The following BDNF variants were observed in gnomAD, a reference collection of about 807,000 sequenced individuals.
The protein encoded by BDNF is neurotrophic factor BDNF precursor form.
BDNF carries 1 observed loss-of-function variant against 19.5 expected under a neutral mutation model. The ratio of observed to expected loss-of-function variants is 0.05; its 90% CI spans 0.02 to 0.24. The LOEUF (loss-of-function observed/expected upper bound fraction) is 0.24. Among genes scored for constraint, BDNF ranks in the 10% least tolerant of loss-of-function variants. The pLI is 1.00. For synonymous variants in BDNF, 100 were observed against 121.6 expected (o/e 0.82, Z 1.17); for missense variants, 195 against 317.6 (o/e 0.61, Z 2.93).
intron 1 of BDNF, among the ~76,000 whole-genome samples, chr11:27,683,249 T>C (rs1217700870): frequency 1.3e-5 from 2 of 152,158 alleles, no homozygotes; most frequent in Non-Finnish European, 2.9e-5. Flanking sequence ...CACTTTTTGA[T>C]GGGGTTGTTT....
In BDNF at chr11:27,693,972, A is replaced by AT. The variant is rs554236116; in HGVS notation, c.-22+6191dup. Among the ~76,000 whole-genome samples, 287 of 150,374 alleles carry AT rather than the reference A, an allele frequency of 1.9e-3. 7 individuals are homozygous for AT. The South Asian group carries it at 0.049, about 26-fold the overall frequency. ...ACACACACGCACCTTTATTTTAGTA[A>AT]TTTTTTTTTTCTGAAAAAGAAAGTT... On this transcript the variant is annotated intron_variant, in intron 1 of 1. Transcript: ENST00000356660.
chr11:27,696,760 G>A (rs1859050482), intron 1 of BDNF, among the ~76,000 whole-genome samples: 1 of 152,206 alleles, frequency 6.6e-6, no homozygotes, highest in Admixed American at 6.5e-5. Flanking sequence ...GGATAGGCGA[G>A]ACCCCTCACA....
chr11:27,684,433 C>G (rs1431726342), intron 1 of BDNF, among the ~76,000 whole-genome samples: 2 of 152,164 alleles, frequency 1.3e-5, no homozygotes, highest in African/African-American at 4.8e-5. Flanking sequence ...ACGTCCAATA[C>G]TATGTTGAAT....
chr11:27,719,568 C>A, intron 1 of BDNF: 1 of 985,240 alleles, frequency 1.0e-6, no homozygotes, highest in Non-Finnish European at 1.2e-6. Context: ...TCGGCAGCTC[C>A]CCTTCCCTTG....
chr11:27,668,791 C>G (rs566057622), intron 1 of BDNF, among the ~76,000 whole-genome samples: 2 of 152,180 alleles, frequency 1.3e-5, no homozygotes, highest in African/African-American at 4.8e-5. Context: ...CCAAAAAAAT[C>G]CATCAGGACC....
intron 1 of BDNF, among the ~76,000 whole-genome samples, chr11:27,689,751 G>A (rs1230395342): frequency 6.6e-6 from 1 of 151,974 alleles, no homozygotes; most frequent in African/African-American, 2.4e-5. Flanking sequence ...TGCAGAATGT[G>A]CAGGTTTGTT....
At chr11:27,708,612 A>T (rs1366700470) in intron 1 of BDNF, among the ~76,000 whole-genome samples, 1 of 151,906 alleles carries the variant, frequency 6.6e-6, no homozygotes, top group Non-Finnish European at 1.5e-5. Flanking sequence ...ACTGATGTTT[A>T]TAAGAGCACA....
chr11:27,697,137 G>A (rs1244199540), intron 1 of BDNF, among the ~76,000 whole-genome samples: 1 of 120,878 alleles, frequency 8.3e-6, no homozygotes, highest in African/African-American at 3.2e-5. Context: ...ACACGCGCAC[G>A]TGCACGCACA....
chr11:27,721,467 C>T (rs1590515425), exon 1 of BDNF: 2 of 1,605,976 alleles, frequency 1.2e-6, no homozygotes, highest in East Asian at 2.2e-5. Context: ...GTCTCCCCAA[C>T]AGATGCTGGA....
chr11:27,686,490 T>C (rs1468462351), intron 1 of BDNF, among the ~76,000 whole-genome samples: 3 of 152,006 alleles, frequency 2.0e-5, no homozygotes, highest in Non-Finnish European at 4.4e-5. Context: ...TTCTTCATAG[T>C]TTCAATGGTC....
At chr11:27,669,430 T>G (rs1467667526) in intron 1 of BDNF, among the ~76,000 whole-genome samples, 2 of 152,204 alleles carry the variant, frequency 1.3e-5, no homozygotes, top group East Asian at 1.9e-4. Flanking sequence ...TAGAAAGAAA[T>G]AAAGGATATT....
intron 1 of BDNF, among the ~76,000 whole-genome samples, chr11:27,689,680 C>G (rs1016428590): frequency 9.2e-5 from 14 of 152,138 alleles, no homozygotes; most frequent in Non-Finnish European, 2.1e-4. Context: ...ACAATAGATG[C>G]TACTAAGTTT....
chr11:27,656,510 A>G lies in BDNF; in HGVS notation c.*1311T>C, dbSNP rs1489423068. 2 of 979,862 alleles carry G rather than the reference A, an allele frequency of 2.0e-6. No individual in the cohort carries two copies. Among genetic ancestry groups the G allele is most frequent in the Non-Finnish European group, 2.4e-6 (2 of 824,784 alleles). 60.7% of individuals were successfully genotyped at this position (979,862 alleles called of 1,614,324 possible). A position where few individuals can be genotyped will look rare whatever the true frequency, so the allele number is the denominator to read the frequency against. ...TTCGTTTTGGAATGTCTCAAATACC[A>G]TGCCCCACCTCCACCTAGACCTTGG... is the stretch of plus-strand genomic sequence containing the variant. On this transcript the variant is annotated 3_prime_UTR_variant, in exon 2 of 2. Transcript: ENST00000356660.
chr11:27,718,281 G>C (rs1191037899), intron 1 of BDNF, among the ~76,000 whole-genome samples: 2 of 151,796 alleles, frequency 1.3e-5, no homozygotes, highest in Non-Finnish European at 2.9e-5. Context: ...AATTCCGGCC[G>C]GTTGCCGCCT....
At chr11:27,706,159 C>T (rs542933772) in intron 1 of BDNF, among the ~76,000 whole-genome samples, 4 of 152,032 alleles carry the variant, frequency 2.6e-5, no homozygotes, top group Admixed American at 1.3e-4. Flanking sequence ...CCAGTTATTT[C>T]GGTTAGCAGT....
chr11:27,703,836 G>T (rs1186415709), upstream of BDNF, among the ~76,000 whole-genome samples: 3 of 152,264 alleles, frequency 2.0e-5, no homozygotes, highest in East Asian at 5.8e-4. Context: ...TGTGATTATA[G>T]CATTGCCAAT....
At chr11:27,712,676 C>G (rs1234629787) in intron 1 of BDNF, among the ~76,000 whole-genome samples, 2 of 151,908 alleles carry the variant, frequency 1.3e-5, no homozygotes, top group Admixed American at 1.3e-4. Flanking sequence ...CCACCACGCC[C>G]AGCTAATTTT....
chr11:27,698,883 C>T (rs1859519289), intron 1 of BDNF, among the ~76,000 whole-genome samples: 1 of 152,080 alleles, frequency 6.6e-6, no homozygotes, highest in Admixed American at 6.5e-5. Flanking sequence ...ATCCAAGAAG[C>T]CCTAACACAC....
At chr11:27,721,341 C>T (rs557537462) in intron 1 of BDNF, 404 of 1,558,506 alleles carry the variant, frequency 2.6e-4, no homozygotes, top group Non-Finnish European at 3.4e-4. Context: ...CTAGGAAGAG[C>T]CGTGATATGC....
Sources: gnomAD v4.1 joint callset for allele counts (sites outside exome capture counted in the v4.1 genomes callset) on GRCh38, gnomAD v4.1.1 for gene constraint, MANE v1.5 for transcripts, NCBI Gene and HGNC (gene_info 2026-07-23, HGNC 2026-07-21) for gene names.